UBR2: variants seen among roughly 807,000 people sequenced by gnomAD.
UBR2 encodes the protein ubiquitin protein ligase E3 component n-recognin 2, also known as E3 ubiquitin-protein ligase UBR2.
A neutral mutation model predicts 247.9 loss-of-function variants in UBR2; 92 were observed. The observed-to-expected ratio is 0.37, with a 90% CI of 0.31 to 0.44. UBR2 has a LOEUF of 0.44. Ranked by LOEUF, UBR2 falls within the 20% of genes least tolerant of loss-of-function variation. The pLI, the probability that UBR2 is intolerant of heterozygous loss-of-function variation, is 1.00. For missense variants in UBR2, 1,613 were observed against 2,112.6 expected (o/e 0.76, Z 4.64); for synonymous variants, 672 against 693.5 (o/e 0.97, Z 0.49).
At chr6:42,578,317 T>C (rs1394849416) in intron 2 of UBR2, among the ~76,000 whole-genome samples, 1 of 152,138 alleles carries the variant, frequency 6.6e-6, no homozygotes, top group Non-Finnish European at 1.5e-5. Context: ...AGCTGGTGGA[T>C]CATTCTCAGC....
At chr6:42,622,010 C>T (rs1206707128) in intron 11 of UBR2, among the ~76,000 whole-genome samples, 1 of 151,862 alleles carries the variant, frequency 6.6e-6, no homozygotes, top group Non-Finnish European at 1.5e-5. Flanking sequence ...TAGAGGGCTT[C>T]CCACTCTTCT....
Position 42,642,487 on chromosome 6 carries a change from G to C in UBR2, c.2097+6G>C. ...AGGATGTAGTAATGCTTCAGGTAAT[G>C]AATTAAAAGCATTGAACTTAAAGGT... On this transcript the variant is annotated splice_donor_region_variant and intron_variant, in intron 18 of 46. Transcript: ENST00000372901. 6.2e-7 allele frequency: 1 copy of C among 1,606,212 alleles called. No individual in the cohort carries two copies. The highest frequency in any genetic ancestry group is 8.5e-7 in the Non-Finnish European group (1 of 1,173,844).
chr6:42,682,217 T>C (rs1468382919), intron 42 of UBR2, among the ~76,000 whole-genome samples: 1 of 152,110 alleles, frequency 6.6e-6, no homozygotes, highest in Non-Finnish European at 1.5e-5. Context: ...GTCAAATTTA[T>C]AGAAACAGAA....
chr6:42,614,320 ATATATGTG>A lies in UBR2; in HGVS notation c.986-739_986-732del, dbSNP rs1260832637. 1.3e-3 allele frequency among the ~76,000 whole-genome samples: 105 copies of A among 81,014 alleles called. 1 individual carries two copies. Among genetic ancestry groups the A allele is most frequent in the African/African-American group, 2.0e-3 (51 of 25,230 alleles). The allele number at this position is 81,014 out of a possible 152,430, so 53.1% of individuals were successfully genotyped here. A position where few individuals can be genotyped will look rare whatever the true frequency, so the allele number is the denominator to read the frequency against. ...CATATATGTGCGTATATGGGTATGT[ATATATGTG>A]TATATGTGTATGTGTGTATGTATGT... On this transcript the variant is annotated intron_variant, in intron 8 of 46. Transcript: ENST00000372901.
chr6:42,594,451 G>A, intron 4 of UBR2, 147 bp downstream of exon 4: 1 of 624,770 alleles, frequency 1.6e-6, no homozygotes, highest in Non-Finnish European at 2.7e-6. Context: ...TGCATTTTGT[G>A]GATGCTGTAC....
In UBR2 at chr6:42,587,887, T is replaced by C. The variant is rs75912680; in HGVS notation, c.339-4264T>C. 4.6e-5 allele frequency among the ~76,000 whole-genome samples: 7 copies of C among 152,238 alleles called. No homozygotes were observed. In the East Asian group the frequency reaches 1.3e-3, roughly 29 times the overall value. ...GCACTTATTTTTTTCTCCCTTTTTT[T>C]ATTCTGGGAAAAACACACTCTTTCT... On this transcript the variant is annotated intron_variant, in intron 2 of 46. Coordinates refer to ENST00000372901, the MANE Select transcript of UBR2 (RefSeq NM_001363705.2).
chr6:42,692,900 C>G lies in UBR2; in HGVS notation c.*1727C>G, dbSNP rs1263510490. 6.6e-6 allele frequency: 1 copy of G among 152,150 alleles called. No individual in the cohort carries two copies. The highest frequency in any genetic ancestry group is 2.4e-5 in the African/African-American group (1 of 41,426). The allele number at this position is 152,150 out of a possible 1,614,324, so 9.4% of individuals were successfully genotyped here. ...AGAAAATTCACATTTGAGTCCACCT[C>G]TCTCCCCCTTTTTCTGGCCTTCATT... On this transcript the variant is annotated 3_prime_UTR_variant, in exon 47 of 47. Transcript: ENST00000372901.
rs372012012 is a variant in UBR2 at position 42,663,454 on chromosome 6, A to G, written c.3698+35A>G. The G allele has an allele frequency of 8.3e-6, 13 of 1,566,862 alleles. No individual in the cohort carries two copies. In the African/African-American group the frequency reaches 1.8e-4, roughly 22 times the overall value. On this transcript the variant is annotated intron_variant, in intron 32 of 46. Coordinates refer to ENST00000372901, the MANE Select transcript of UBR2 (RefSeq NM_001363705.2). ...GGCTCATGACAACTATTACAAAGCA[A>G]TAGTTTGCTTTGAAGATAATGAAAT...
At chr6:42,581,915 T>A (rs2151909620) in intron 2 of UBR2, among the ~76,000 whole-genome samples, 1 of 152,342 alleles carries the variant, frequency 6.6e-6, no homozygotes, top group South Asian at 2.1e-4. Flanking sequence ...TATTCTATAC[T>A]TAACCACATT....
chr6:42,619,628 G>A (rs905423782), intron 11 of UBR2: 6 of 157,256 alleles, frequency 3.8e-5, no homozygotes, highest in Non-Finnish European at 8.3e-5. Context: ...GCACGCCTGA[G>A]GCTGAGGCAG....
intron 15 of UBR2, 79 bp downstream of exon 15, chr6:42,637,273 C>A: frequency 7.0e-7 from 1 of 1,430,060 alleles, no homozygotes; most frequent in East Asian, 2.3e-5. Flanking sequence ...TGAATACTTA[C>A]TTTGTGCCAG....
At chr6:42,658,625 T>C (rs1199635309) in intron 28 of UBR2, 21 bp from the exon 29 acceptor site, 20 of 1,580,170 alleles carry the variant, frequency 1.3e-5, no homozygotes, top group Non-Finnish European at 1.7e-5. Flanking sequence ...AATTGTCTAA[T>C]TGAATGGAGC....
intron 44 of UBR2, 49 bp from the exon 45 acceptor site, chr6:42,688,167 T>A (rs1418256246): frequency 6.2e-7 from 1 of 1,613,244 alleles, no homozygotes; most frequent in East Asian, 2.2e-5. Flanking sequence ...TCACTAGCTC[T>A]TTAGCCACTC....
chr6:42,679,647 C>G, intron 41 of UBR2, 77 bp from the exon 42 acceptor site: 1 of 1,049,672 alleles, frequency 9.5e-7, no homozygotes, highest in South Asian at 1.4e-5. Context: ...TTTTTTTAAA[C>G]TCTGCTATTG....
intron 30 of UBR2, among the ~76,000 whole-genome samples, chr6:42,661,817 G>A (rs1797828908): frequency 1.3e-5 from 2 of 152,162 alleles, no homozygotes; most frequent in Non-Finnish European, 2.9e-5. Flanking sequence ...ACGCACATAA[G>A]GCAGCCCCAT....
In UBR2 at chr6:42,576,464, C is replaced by T. The variant is rs576286331; in HGVS notation, c.338+2471C>T. ...TGCTGCCCAACTCTCTGCATAATTG[C>T]CCCCCTTTACCCCATTTGGATTTTG... On this transcript the variant is annotated intron_variant, in intron 2 of 46. Transcript: ENST00000372901. Among the ~76,000 whole-genome samples, 9 of 151,764 alleles carry T rather than the reference C, an allele frequency of 5.9e-5. No homozygotes were observed. The South Asian group carries it at 1.9e-3, about 32-fold the overall frequency.
chr6:42,580,425 C>T (rs1791805474), intron 2 of UBR2, among the ~76,000 whole-genome samples: 1 of 152,216 alleles, frequency 6.6e-6, no homozygotes, highest in Non-Finnish European at 1.5e-5. Flanking sequence ...TGGGGTAATC[C>T]ATTCAGGTAG....
At chr6:42,636,870 G>C in intron 14 of UBR2, 141 bp from the exon 15 acceptor site, 1 of 801,996 alleles carries the variant, frequency 1.2e-6, no homozygotes, top group Non-Finnish European at 1.9e-6. Flanking sequence ...CTGGAAGAGG[G>C]ACCAAATTTG....
At chr6:42,650,830 A>G (rs756302564) in intron 23 of UBR2, among the ~76,000 whole-genome samples, 9 of 152,288 alleles carry the variant, frequency 5.9e-5, no homozygotes, top group Non-Finnish European at 1.2e-4. Flanking sequence ...ACAAATTTTC[A>G]ACCTGTATTA....
Sources: gnomAD v4.1 joint callset for allele counts (sites outside exome capture counted in the v4.1 genomes callset) on GRCh38, gnomAD v4.1.1 for gene constraint, MANE v1.5 for transcripts, NCBI Gene and HGNC (gene_info 2026-07-23, HGNC 2026-07-21) for gene names.